The following ZZEF1 variants were observed in gnomAD, a reference collection of about 807,000 sequenced individuals.
The protein encoded by ZZEF1 is zinc finger ZZ-type and EF-hand domain-containing protein 1.
ZZEF1 carries 157 observed loss-of-function variants against 342.8 expected under a neutral mutation model. That is an observed-to-expected ratio of 0.46 (90% CI 0.40 to 0.52). The LOEUF (loss-of-function observed/expected upper bound fraction) is 0.52. Ranked by LOEUF, ZZEF1 falls within the 20% of genes least tolerant of loss-of-function variation. The pLI is 0.00. For missense variants in ZZEF1, 3,480 were observed against 3,725.6 expected (o/e 0.93, Z 1.72); for synonymous variants, 1,505 against 1,429.1 (o/e 1.05, Z -1.20).
At chr17:4,123,209 C>G (rs1239173456) in intron 2 of ZZEF1, among the ~76,000 whole-genome samples, 4 of 148,022 alleles carry the variant, frequency 2.7e-5, no homozygotes, top group East Asian at 2.0e-4. Flanking sequence ...CGTAAGCCAC[C>G]GCGCCCGGCC....
intron 16 of ZZEF1, among the ~76,000 whole-genome samples, chr17:4,082,806 G>A (rs531735741): frequency 4.6e-5 from 7 of 152,092 alleles, no homozygotes; most frequent in African/African-American, 7.2e-5. Flanking sequence ...ACGGAATTTC[G>A]CTCTTGTTGC....
intron 1 of ZZEF1, among the ~76,000 whole-genome samples, chr17:4,134,750 A>G (rs1779774489): frequency 6.6e-6 from 1 of 152,114 alleles, no homozygotes; most frequent in Non-Finnish European, 1.5e-5. Flanking sequence ...AGATGCCACA[A>G]TTAACCACTA....
At chr17:4,142,422 GCTGGAAACAC>G in intron 1 of ZZEF1, 110 bp downstream of exon 1, 2 of 1,073,668 alleles carry the variant, frequency 1.9e-6, no homozygotes, top group Non-Finnish European at 2.6e-6. Context: ...CTGGTGAAAA[GCTGGAAACAC>G]CTCATATGGG....
chr17:4,021,065 C>T (rs146972215), intron 45 of ZZEF1, 64 bp downstream of exon 45: 15,812 of 1,503,802 alleles, frequency 0.011, 112 homozygotes, highest in Non-Finnish European at 0.012. Context: ...AAACATGGCC[C>T]GGGCCAAAGA....
intron 25 of ZZEF1, 140 bp from the exon 26 acceptor site, chr17:4,071,064 A>G (rs2057499656): frequency 2.1e-6 from 2 of 969,002 alleles, no homozygotes; most frequent in Admixed American, 5.9e-5. Context: ...TAGGAAGACC[A>G]GACAGAGATA....
rs111484162 is a variant in ZZEF1 at position 4,100,696 on chromosome 17, G to A, written c.1672+1621C>T. Among the ~76,000 whole-genome samples the A allele has an allele frequency of 3.6e-3, 544 of 152,254 alleles. 2 individuals are homozygous for A. Among genetic ancestry groups the A allele is most frequent in the African/African-American group, 0.012 (506 of 41,566 alleles). ...TAAAAATACAAGAAATTAGCCGGGC[G>A]TGGTGGCGGGCGCCTGTAGTCTCAG... On this transcript the variant is annotated intron_variant, in intron 9 of 54. Coordinates refer to ENST00000381638, the MANE Select transcript of ZZEF1 (RefSeq NM_015113.4).
At chr17:4,042,051 C>G (rs1463735620) in intron 39 of ZZEF1, among the ~76,000 whole-genome samples, 1 of 151,994 alleles carries the variant, frequency 6.6e-6, no homozygotes, top group Non-Finnish European at 1.5e-5. Flanking sequence ...GGTGAAGTGT[C>G]AATGATGGCT....
chr17:4,100,493 A>G (rs936209987), intron 9 of ZZEF1, among the ~76,000 whole-genome samples: 2 of 152,240 alleles, frequency 1.3e-5, no homozygotes, highest in African/African-American at 4.8e-5. Context: ...GGTAGGTAAA[A>G]GACACAGGGA....
At chr17:4,041,478 G>A (rs914241834) in intron 39 of ZZEF1, among the ~76,000 whole-genome samples, 3 of 152,014 alleles carry the variant, frequency 2.0e-5, no homozygotes, top group African/African-American at 7.3e-5. Context: ...GGGTCCCGCG[G>A]GCACCGTCCC....
At chr17:4,012,274 CG>C (rs1232577141) in intron 52 of ZZEF1, among the ~76,000 whole-genome samples, 10 of 152,266 alleles carry the variant, frequency 6.6e-5, no homozygotes, top group Non-Finnish European at 1.0e-4. Context: ...TATGAGGACA[CG>C]GGGGTAACAG....
chr17:4,043,442 A>T (rs1454313395), intron 38 of ZZEF1, among the ~76,000 whole-genome samples: 1 of 152,200 alleles, frequency 6.6e-6, no homozygotes, highest in Non-Finnish European at 1.5e-5. Flanking sequence ...AGAGGGCAGA[A>T]GGCCAGGTGC....
intron 29 of ZZEF1, among the ~76,000 whole-genome samples, chr17:4,063,703 G>A (rs909826782): frequency 6.6e-6 from 1 of 150,444 alleles, no homozygotes; most frequent in African/African-American, 2.4e-5. Context: ...CTGGGACTAC[G>A]GGCAGGTGCC....
intron 52 of ZZEF1, among the ~76,000 whole-genome samples, chr17:4,010,482 A>G (rs1287465905): frequency 6.6e-6 from 1 of 152,124 alleles, no homozygotes; most frequent in Non-Finnish European, 1.5e-5. Context: ...GCACCTTGGG[A>G]GGCCAAGGCA....
At chr17:4,079,418 A>C (rs537066472) in intron 18 of ZZEF1, among the ~76,000 whole-genome samples, 1 of 152,330 alleles carries the variant, frequency 6.6e-6, no homozygotes, top group South Asian at 2.1e-4. Flanking sequence ...TGGGAAATGC[A>C]GAAATAAGGA....
At chr17:4,113,291 A>C (rs1369737570) in intron 4 of ZZEF1, among the ~76,000 whole-genome samples, 2 of 152,242 alleles carry the variant, frequency 1.3e-5, no homozygotes, top group Non-Finnish European at 2.9e-5. Context: ...GAGCTTCCAG[A>C]AATACCACTG....
Position 4,016,110 on chromosome 17 carries a change from A to C in ZZEF1, c.8145+213T>G, listed in dbSNP as rs1055252424. Reference sequence around the variant, plus strand: ...CATTTTCTTCTATTAAAACAAGAAAAGTCCGGAGAAGAGAAGACTTGCTTG... The same window carrying C: ...CATTTTCTTCTATTAAAACAAGAAACGTCCGGAGAAGAGAAGACTTGCTTG... On this transcript the variant is annotated intron_variant, in intron 49 of 54. Coordinates refer to ENST00000381638, the MANE Select transcript of ZZEF1 (RefSeq NM_015113.4). The surrounding 1 kb of genome is among the most constrained non-coding windows in gnomAD (Gnocchi z 4.4). 1.3e-5 allele frequency among the ~76,000 whole-genome samples: 2 copies of C among 152,202 alleles called. No homozygotes were observed. The highest frequency in any genetic ancestry group is 6.5e-5 in the Admixed American group (1 of 15,280).
chr17:4,029,594 G>A (rs142494279), intron 42 of ZZEF1, among the ~76,000 whole-genome samples: 1 of 152,230 alleles, frequency 6.6e-6, no homozygotes, highest in East Asian at 1.9e-4. Flanking sequence ...TCAAATCAGT[G>A]ATGGCTCCTA....
chr17:4,121,923 G>A (rs2058489856), intron 2 of ZZEF1, among the ~76,000 whole-genome samples: 1 of 151,962 alleles, frequency 6.6e-6, no homozygotes, highest in Admixed American at 6.6e-5. Context: ...TCACTATGCT[G>A]CCCTGGCTGG....
At chr17:4,138,963 G>C (rs181333862) in intron 1 of ZZEF1, among the ~76,000 whole-genome samples, 11 of 150,980 alleles carry the variant, frequency 7.3e-5, no homozygotes, top group Admixed American at 6.6e-4. Context: ...TCAGACTTTG[G>C]TCCATGGTCC....
Sources: allele counts gnomAD v4.1 joint callset (sites outside exome capture counted in the v4.1 genomes callset), GRCh38; gene constraint gnomAD v4.1.1; non-coding constraint Gnocchi (gnomAD v3.1); transcripts MANE v1.5; gene names NCBI Gene and HGNC (gene_info 2026-07-23, HGNC 2026-07-21).